WDFY4: variants seen among roughly 807,000 people sequenced by gnomAD.
WDFY4 encodes the protein WDFY family member 4.
WDFY4 carries 169 observed loss-of-function variants against 351.9 expected under a neutral mutation model. The observed-to-expected ratio is 0.48, with a 90% CI of 0.42 to 0.55. The LOEUF (loss-of-function observed/expected upper bound fraction) is 0.55, where lower values mean the gene tolerates loss of function less well. WDFY4 is among the 20% of genes least tolerant of loss of function. The pLI is 0.00. For synonymous variants in WDFY4, 1,622 were observed against 1,574.6 expected, an observed-to-expected ratio of 1.03 and a Z score of -0.71; for missense variants, 3,803 against 3,935.6, an observed-to-expected ratio of 0.97 and a Z score of 0.90.
intron 1 of WDFY4, among the ~76,000 whole-genome samples, chr10:48,704,080 C>A (rs2063556009): frequency 6.6e-6 from 1 of 152,166 alleles, no homozygotes; most frequent in Non-Finnish European, 1.5e-5. Flanking sequence ...CCCACAGACT[C>A]TGGGCTCCTG....
intron 47 of WDFY4, among the ~76,000 whole-genome samples, chr10:48,904,176 T>G (rs1190456936): frequency 6.6e-6 from 1 of 152,186 alleles, no homozygotes; most frequent in Non-Finnish European, 1.5e-5. Flanking sequence ...CACTTACCCT[T>G]TATAGATTGT....
chr10:48,711,735 G>A (rs1278839417), intron 2 of WDFY4, among the ~76,000 whole-genome samples: 1 of 152,250 alleles, frequency 6.6e-6, no homozygotes, highest in Admixed American at 6.5e-5. Context: ...CATGGTGAGT[G>A]TGGCCCAGAG....
chr10:48,958,174 G>T (rs74130417), intron 52 of WDFY4, among the ~76,000 whole-genome samples: 1,728 of 152,328 alleles, frequency 0.011, 25 homozygotes, highest in African/African-American at 0.038. Context: ...CCTTGTGCAG[G>T]GGTTTTCAGC....
intron 39 of WDFY4, among the ~76,000 whole-genome samples, chr10:48,845,851 AC>A (rs757394266): frequency 3.3e-5 from 5 of 152,168 alleles, no homozygotes; most frequent in Non-Finnish European, 7.3e-5. Flanking sequence ...ACCGTCACAT[AC>A]CAGCACTGTG....
intron 31 of WDFY4, among the ~76,000 whole-genome samples, chr10:48,815,460 T>A (rs1055272845): frequency 6.6e-6 from 1 of 150,430 alleles, no homozygotes; most frequent in Non-Finnish European, 1.5e-5. Context: ...TTGAAACAGA[T>A]TTTTTTTTTC....
At chr10:48,826,532 G>A (rs1003606632) in intron 35 of WDFY4, 139 bp from the exon 36 acceptor site, 16 of 640,236 alleles carry the variant, frequency 2.5e-5, no homozygotes, top group African/African-American at 2.2e-4. Context: ...AATGGGAATA[G>A]CATTGAATCT....
Position 48,974,519 on chromosome 10 carries a change from A to AAAAAAAAAAAAAAAAAAAAAAAAAAAAAC in WDFY4, c.8929-333_8929-332insAAAAAAAAAAAAAAAAAACAAAAAAAAAA, listed in dbSNP as rs1352344126. On this transcript the variant is annotated intron_variant, in intron 57 of 61. Coordinates refer to ENST00000325239, the MANE Select transcript of WDFY4 (RefSeq NM_001394531.1). The stretch of plus-strand genomic sequence containing the variant: ...CTCCGTCTCAAAAAAAAAAAAAAAA[A>AAAAAAAAAAAAAAAAAAAAAAAAAAAAAC]AAAAAAAAAACAACTCATGACATGA... Among the ~76,000 whole-genome samples the AAAAAAAAAAAAAAAAAAAAAAAAAAAAAC allele has an allele frequency of 2.4e-4, 12 of 49,962 alleles. 1 individual carries two copies. The highest frequency in any genetic ancestry group is 3.2e-4 in the Non-Finnish European group (9 of 27,742). 32.8% of individuals were successfully genotyped at this position (49,962 alleles called of 152,430 possible).
intron 49 of WDFY4, among the ~76,000 whole-genome samples, chr10:48,944,115 A>C (rs970226336): frequency 6.6e-6 from 1 of 152,236 alleles, no homozygotes; most frequent in Non-Finnish European, 1.5e-5. Context: ...GAAGTGGGCC[A>C]TGGAATTTGT....
intron 1 of WDFY4, among the ~76,000 whole-genome samples, chr10:48,697,338 G>A (rs1391161431): frequency 1.3e-5 from 2 of 152,328 alleles, no homozygotes; most frequent in East Asian, 3.9e-4. Context: ...GAGCTCTGGG[G>A]GTCTTAGCCT....
intron 47 of WDFY4, among the ~76,000 whole-genome samples, chr10:48,920,412 T>C (rs551499858): frequency 1.1e-3 from 160 of 152,292 alleles, no homozygotes; most frequent in Non-Finnish European, 2.0e-3. Context: ...ATATACCTAA[T>C]GTTAAATGAC....
In WDFY4 at chr10:48,901,841, T is replaced by A. The variant is rs1029650133; in HGVS notation, c.7564T>A (p.Ser2522Thr). 33 of 1,551,448 alleles carry A rather than the reference T, an allele frequency of 2.1e-5. No homozygotes were observed. Among genetic ancestry groups the A allele is most frequent in the Non-Finnish European group, 2.8e-5 (32 of 1,146,872 alleles). The part of the protein sequence containing the change: ...FQPSLKGKAT[S>T]EDTLSLRRYP... The stretch of plus-strand genomic sequence containing the variant: ...ACCCAGCCTGAAGGGGAAAGCCACC[T>A]CGGAGGACACCCTCAGTCTAAGGTA... The change falls in exon 47 of 62, where the codon TCG becomes ACG. Residue 2522 changes from serine (S) to threonine (T), a missense_variant. Coordinates refer to ENST00000325239, the MANE Select transcript of WDFY4 (RefSeq NM_001394531.1).
chr10:48,721,094 G>T (rs895868348), intron 3 of WDFY4, among the ~76,000 whole-genome samples, 167 bp from the exon 4 acceptor site: 1 of 152,210 alleles, frequency 6.6e-6, no homozygotes, highest in African/African-American at 2.4e-5. Flanking sequence ...GTCTGGCAGG[G>T]TGTGGAGCGT....
chr10:48,981,503 G>T, intron 61 of WDFY4, 25 bp downstream of exon 61: 6 of 1,549,474 alleles, frequency 3.9e-6, no homozygotes, highest in Non-Finnish European at 4.4e-6. Context: ...GTTTCTCTGG[G>T]TCTCCAGCAG....
At chr10:48,704,841 A>G (rs1247278317) in intron 1 of WDFY4, among the ~76,000 whole-genome samples, 1 of 152,258 alleles carries the variant, frequency 6.6e-6, no homozygotes, top group Non-Finnish European at 1.5e-5. Flanking sequence ...ACTGGATATC[A>G]GAAGGATTAC....
chr10:48,910,286 G>A (rs747941653), intron 47 of WDFY4: 2 of 1,611,600 alleles, frequency 1.2e-6, no homozygotes, highest in African/African-American at 1.3e-5. Flanking sequence ...AGAAGGTGAG[G>A]CAATTGCTCC....
At chr10:48,911,276 C>T (rs1448769319) in intron 47 of WDFY4, among the ~76,000 whole-genome samples, 1 of 152,130 alleles carries the variant, frequency 6.6e-6, no homozygotes, top group Non-Finnish European at 1.5e-5. Flanking sequence ...AAGGACAGTG[C>T]TTAGTGCTGG....
chr10:48,842,551 A>G (rs752486713), intron 39 of WDFY4, among the ~76,000 whole-genome samples: 9 of 152,156 alleles, frequency 5.9e-5, no homozygotes, highest in Non-Finnish European at 1.3e-4. Context: ...TCGAAGGACA[A>G]TGGCTGGGCT....
At chr10:48,938,596 A>G (rs986153582) in intron 47 of WDFY4, among the ~76,000 whole-genome samples, 1 of 152,212 alleles carries the variant, frequency 6.6e-6, no homozygotes, top group African/African-American at 2.4e-5. Flanking sequence ...GAGCTGGCCC[A>G]AGGGAGAAGA....
rs4838637 is a variant in WDFY4, at chr10:48,688,034, C to T, written c.-18+3033C>T. 7.1e-3 allele frequency among the ~76,000 whole-genome samples: 1,085 copies of T among 152,250 alleles called. 25 individuals are homozygous for T. The highest frequency in any genetic ancestry group is 0.045 in the Admixed American group (685 of 15,302). Reference sequence around the variant, plus strand: ...CTGACCTCAGGTGATCCACCCACCTCGGCCTCCCAAAGTGCTGGGATTACA... The same window carrying T: ...CTGACCTCAGGTGATCCACCCACCTTGGCCTCCCAAAGTGCTGGGATTACA... On this transcript the variant is annotated intron_variant, in intron 1 of 61. Transcript: ENST00000325239.
Sources: allele counts gnomAD v4.1 joint callset (sites outside exome capture counted in the v4.1 genomes callset), GRCh38; gene constraint gnomAD v4.1.1; transcripts MANE v1.5; gene names NCBI Gene and HGNC (gene_info 2026-07-23, HGNC 2026-07-21).